Variants in DDB2 observed in about 807,000 individuals in gnomAD.
DDB2 encodes damage specific DNA binding protein 2, also known as DNA damage-binding protein 2.
DDB2 carries 27 observed loss-of-function variants against 50.5 expected under a neutral mutation model. The ratio of observed to expected loss-of-function variants is 0.53; its 90% CI spans 0.39 to 0.74. DDB2 has a LOEUF of 0.74. Ranked by LOEUF, DDB2 falls within the 30% of genes least tolerant of loss-of-function variation. The pLI, the probability that DDB2 is intolerant of heterozygous loss-of-function variation, is 0.00. For missense variants in DDB2, 424 were observed against 545.6 expected (o/e 0.78, Z 2.22); for synonymous variants, 176 against 205.5 (o/e 0.86, Z 1.23).
Position 47,232,924 on chromosome 11 carries a change from C to T in DDB2, c.567C>T (p.Asn189=), listed in dbSNP as rs1285652104. ...GTTRLQDFKG[N]ILRVFASSDT... is the part of the protein sequence containing the mutation. ...CTAGGCTGCAAGACTTTAAAGGCAA[C>T]ATTCTACGAGTTTTTGCCAGCTCAG... The change falls in exon 4 of 10, where the codon AAC becomes AAT. Residue 189 remains asparagine, a synonymous_variant. Transcript: ENST00000256996. 1.2e-6 allele frequency: 2 copies of T among 1,614,202 alleles called. No homozygotes were observed. The highest frequency in any genetic ancestry group is 1.7e-6 in the Non-Finnish European group (2 of 1,180,034).
At chr11:47,228,686 T>C (rs1953595613) in intron 3 of DDB2, among the ~76,000 whole-genome samples, 1 of 146,398 alleles carries the variant, frequency 6.8e-6, no homozygotes, top group South Asian at 2.2e-4. Flanking sequence ...TATCTCTTCC[T>C]CAGCCAGGTC....
At chr11:47,231,582 G>A (rs903873779) in intron 3 of DDB2, among the ~76,000 whole-genome samples, 1 of 152,074 alleles carries the variant, frequency 6.6e-6, no homozygotes, top group Non-Finnish European at 1.5e-5. Context: ...AGAGTGCAGT[G>A]ATTCGATCGC....
At chr11:47,230,706 T>C (rs1953634385) in intron 3 of DDB2, among the ~76,000 whole-genome samples, 1 of 152,148 alleles carries the variant, frequency 6.6e-6, no homozygotes, top group East Asian at 1.9e-4. Flanking sequence ...AAGTGGTTGT[T>C]GCATAGAAGA....
rs1403486037 is a variant in DDB2 at position 47,227,630 on chromosome 11, C to T, written c.457-5184C>T. Among the ~76,000 whole-genome samples the T allele has an allele frequency of 1.1e-4, 17 of 152,086 alleles. No individual in the cohort carries two copies. The East Asian group carries it at 2.9e-3, about 26-fold the overall frequency. ...GGTTCAAGCAATTCTCCTGCCTCAG[C>T]CTCCCAAGAAGCTGGCACCCACCAC... On this transcript the variant is annotated intron_variant, in intron 3 of 9. Transcript: ENST00000256996.
chr11:47,223,586 C>T (rs1236385473), intron 3 of DDB2, among the ~76,000 whole-genome samples: 1 of 152,054 alleles, frequency 6.6e-6, no homozygotes, highest in African/African-American at 2.4e-5. Flanking sequence ...TGAGACCACC[C>T]TGGCTAACAC....
intron 3 of DDB2, among the ~76,000 whole-genome samples, chr11:47,219,287 A>G (rs1213088815): frequency 6.6e-6 from 1 of 152,212 alleles, no homozygotes; most frequent in Non-Finnish European, 1.5e-5. Context: ...CATGAAATTT[A>G]CTTTCGTAAC....
chr11:47,216,733 A>G, intron 2 of DDB2, 125 bp from the exon 3 acceptor site: 2 of 1,071,198 alleles, frequency 1.9e-6, no homozygotes, highest in Non-Finnish European at 2.8e-6. Context: ...TGCACAGGGC[A>G]GGCAGTTAGC....
intron 3 of DDB2, among the ~76,000 whole-genome samples, chr11:47,226,434 C>T (rs576229251): frequency 6.6e-5 from 10 of 152,002 alleles, no homozygotes; most frequent in East Asian, 1.9e-4. Flanking sequence ...CCACCATGCC[C>T]GGCTAATTTT....
At chr11:47,234,443 A>T in intron 4 of DDB2, 130 bp from the exon 5 acceptor site, 1 of 796,534 alleles carries the variant, frequency 1.3e-6, no homozygotes, top group Non-Finnish European at 2.3e-6. Flanking sequence ...ATCCACGGCA[A>T]GACAGTTATT....
intron 3 of DDB2, among the ~76,000 whole-genome samples, chr11:47,219,295 A>G (rs1953447810): frequency 6.6e-6 from 1 of 152,216 alleles, no homozygotes. Context: ...TTACTTTCGT[A>G]ACCATTTTAA....
chr11:47,218,103 A>G (rs1953427376), intron 3 of DDB2, among the ~76,000 whole-genome samples: 1 of 152,128 alleles, frequency 6.6e-6, no homozygotes, highest in African/African-American at 2.4e-5. Context: ...ACCTCTTCAA[A>G]GAGGCTTTCG....
intron 3 of DDB2, among the ~76,000 whole-genome samples, chr11:47,226,085 T>C (rs1953553127): frequency 6.6e-6 from 1 of 152,164 alleles, no homozygotes; most frequent in African/African-American, 2.4e-5. Context: ...TGTGCAAATA[T>C]CCCTTTGAGA....
At chr11:47,231,611 C>T (rs193160239) in intron 3 of DDB2, among the ~76,000 whole-genome samples, 4 of 152,282 alleles carry the variant, frequency 2.6e-5, no homozygotes, top group Admixed American at 2.6e-4. Flanking sequence ...GCAGCCTCGA[C>T]CTCCAGGCTT....
chr11:47,231,388 A>G (rs752647454), intron 3 of DDB2, among the ~76,000 whole-genome samples: 5 of 152,218 alleles, frequency 3.3e-5, no homozygotes, highest in Non-Finnish European at 5.9e-5. Flanking sequence ...GGAATACCTC[A>G]GCAATAAAAT....
At position 47,239,211 on chromosome 11, in the gene DDB2, C is replaced by T. The variant is rs1953800115; in HGVS notation, c.*362C>T. 2 of 356,418 alleles carry T rather than the reference C, an allele frequency of 5.6e-6. No individual in the cohort carries two copies. The highest frequency in any genetic ancestry group is 1.1e-5 in the Non-Finnish European group (2 of 188,214). The allele number at this position is 356,418 out of a possible 1,614,324, so 22.1% of individuals were successfully genotyped here. A position where few individuals can be genotyped will look rare whatever the true frequency, so the allele number is the denominator to read the frequency against. On this transcript the variant is annotated 3_prime_UTR_variant, in exon 10 of 10. Coordinates refer to ENST00000256996, the MANE Select transcript of DDB2 (RefSeq NM_000107.3). ...TTTGATATGGCCAATAAAACCATAC[C>T]GACTGAGCTTCTGCGTGGATCTTCC...
At chr11:47,223,876 T>C (rs976492024) in intron 3 of DDB2, among the ~76,000 whole-genome samples, 9 of 152,156 alleles carry the variant, frequency 5.9e-5, no homozygotes, top group African/African-American at 2.2e-4. Flanking sequence ...AGGCTGAGGC[T>C]GGGGGACCTC....
In DDB2 at chr11:47,234,729, C is replaced by T. The variant is rs768651518; in HGVS notation, c.703-28C>T. 3 of 1,613,924 alleles carry T rather than the reference C, an allele frequency of 1.9e-6. No individual in the cohort carries two copies. In the South Asian group the frequency reaches 3.3e-5, roughly 18 times the overall value. ...CTCACCCCCACCTCGGTTCTGTGTC[C>T]CCACCTGAACCGAGCTCTTCTCTGC... is the stretch of plus-strand genomic sequence containing the variant. On this transcript the variant is annotated intron_variant, in intron 5 of 9. Transcript: ENST00000256996.
At chr11:47,221,814 C>T (rs1472478374) in intron 3 of DDB2, 2 of 152,134 alleles carry the variant, frequency 1.3e-5, no homozygotes, top group African/African-American at 4.8e-5. Flanking sequence ...CTCCTGACCT[C>T]AAGTGATCCG....
At chr11:47,233,071 A>T (rs555611020) in intron 4 of DDB2, 112 bp downstream of exon 4, 1,707 of 1,257,534 alleles carry the variant, frequency 1.4e-3, no homozygotes, top group Non-Finnish European at 1.8e-3. Context: ...GAAAGGAAAG[A>T]TGTCAGCCAC....
Sources: gnomAD v4.1 joint callset for allele counts (sites outside exome capture counted in the v4.1 genomes callset) on GRCh38, gnomAD v4.1.1 for gene constraint, MANE v1.5 for transcripts, NCBI Gene and HGNC (gene_info 2026-07-23, HGNC 2026-07-21) for gene names.